The following EGFLAM variants were observed in gnomAD, a reference collection of about 807,000 sequenced individuals.
EGFLAM encodes the protein EGF like, fibronectin type III and laminin G domains.
A neutral mutation model predicts 113.1 loss-of-function variants in EGFLAM; 79 were observed. The ratio of observed to expected loss-of-function variants is 0.70; its 90% CI spans 0.58 to 0.84. The LOEUF (loss-of-function observed/expected upper bound fraction) is 0.84. Among genes scored for constraint, EGFLAM ranks in the 40% least tolerant of loss-of-function variants. The probability of loss-of-function intolerance (pLI) is 0.00; values close to 1 mark genes in which losing one functional copy is unlikely to be tolerated. For synonymous variants in EGFLAM, 504 were observed against 487.6 expected (o/e 1.03, Z -0.44); for missense variants, 1,265 against 1,291.6 (o/e 0.98, Z 0.32).
Position 38,348,442 on chromosome 5 carries a change from C to T in EGFLAM, c.292-2059C>T, listed in dbSNP as rs74877627. Among the ~76,000 whole-genome samples, 488 of 152,140 alleles carry T rather than the reference C, an allele frequency of 3.2e-3. 18 individuals are homozygous for T. The East Asian group carries it at 0.072, about 22-fold the overall frequency. ...GAGGAACACGAGAAGTAGAAGGTGA[C>T]CATGGAAGAGCAGAGTCATGATTTT... On this transcript the variant is annotated intron_variant, in intron 3 of 21. Transcript: ENST00000322350.
At chr5:38,275,160 G>A (rs1757857484) in intron 1 of EGFLAM, among the ~76,000 whole-genome samples, 1 of 152,034 alleles carries the variant, frequency 6.6e-6, no homozygotes, top group Non-Finnish European at 1.5e-5. Context: ...AAAGAAATAT[G>A]GTAAGAAAAG....
At chr5:38,414,731 G>A (rs1030512937) in intron 11 of EGFLAM, among the ~76,000 whole-genome samples, 5 of 152,214 alleles carry the variant, frequency 3.3e-5, no homozygotes, top group African/African-American at 1.2e-4. Flanking sequence ...TTAGTTTGGA[G>A]AAGAGAAGAT....
At chr5:38,349,771 A>ACGCG (rs767521286) in intron 3 of EGFLAM, among the ~76,000 whole-genome samples, 52 of 114,312 alleles carry the variant, frequency 4.5e-4, no homozygotes, top group Admixed American at 7.3e-4. Flanking sequence ...GGAAGTACAC[A>ACGCG]CGCACACACA....
intron 1 of EGFLAM, among the ~76,000 whole-genome samples, chr5:38,269,236 A>G (rs1757706549): frequency 6.6e-6 from 1 of 152,182 alleles, no homozygotes; most frequent in African/African-American, 2.4e-5. Flanking sequence ...AGTGGATTAA[A>G]TAGAGTGAGT....
chr5:38,263,281 G>A (rs1041784384), intron 1 of EGFLAM, among the ~76,000 whole-genome samples: 2 of 152,054 alleles, frequency 1.3e-5, no homozygotes, highest in African/African-American at 2.4e-5. Flanking sequence ...GGCCAACATG[G>A]CAAAACCCCA....
chr5:38,417,957 G>A, intron 11 of EGFLAM, 109 bp from the exon 12 acceptor site: 1 of 1,112,688 alleles, frequency 9.0e-7, no homozygotes, highest in Non-Finnish European at 1.3e-6. Flanking sequence ...GGAAGAAAAT[G>A]CTGGGGCTGT....
chr5:38,399,761 T>C (rs1741058223), intron 6 of EGFLAM: 1 of 152,178 alleles, frequency 6.6e-6, no homozygotes, highest in Admixed American at 6.5e-5. Flanking sequence ...TAAGTGTTCC[T>C]CCCTTGTTGT....
chr5:38,440,180 G>A (rs181825484), intron 17 of EGFLAM, among the ~76,000 whole-genome samples: 1 of 152,248 alleles, frequency 6.6e-6, no homozygotes, highest in African/African-American at 2.4e-5. Flanking sequence ...AGGACATTGG[G>A]GACTCTTTTC....
chr5:38,446,317 T>C (rs1218508298), intron 17 of EGFLAM, among the ~76,000 whole-genome samples: 1 of 152,108 alleles, frequency 6.6e-6, no homozygotes, highest in Non-Finnish European at 1.5e-5. Flanking sequence ...CGCCGCCTTC[T>C]TTCCTTTTCT....
intron 6 of EGFLAM, among the ~76,000 whole-genome samples, chr5:38,379,654 A>G (rs2366977): frequency 0.12 from 17,518 of 151,958 alleles, 1,298 homozygotes; most frequent in African/African-American, 0.22. Context: ...AATCAGCCAC[A>G]GCAAAGCGGC....
intron 16 of EGFLAM, among the ~76,000 whole-genome samples, chr5:38,435,804 CTCTTTTTTTTTTTT>C (rs1312206167): frequency 7.4e-6 from 1 of 135,322 alleles, no homozygotes; most frequent in African/African-American, 2.9e-5. Context: ...CCCCGGCTCT[CTCTTTTTTTTTTTT>C]TTTTTTTTTT....
Position 38,448,357 on chromosome 5 carries a change from G to A in EGFLAM, c.2521G>A (p.Asp841Asn), listed in dbSNP as rs1742793571. 6.2e-7 allele frequency: 1 copy of A among 1,614,040 alleles called. No homozygotes were observed. Among genetic ancestry groups the A allele is most frequent in the African/African-American group, 1.3e-5 (1 of 74,924 alleles). Residue 841 changes from aspartate (D) to asparagine (N), a missense_variant, in exon 18 of 22, where the codon GAC becomes AAC. Asp to Asn is a conservative substitution (Grantham distance 23). Coordinates refer to ENST00000322350, the MANE Select transcript of EGFLAM (RefSeq NM_152403.4). Reference protein sequence around the residue: ...QFIGRSYLTYDNPDILKRVSG... With the variant: ...QFIGRSYLTYNNPDILKRVSG... ...TATCGGCCGCAGTTACCTGACGTAT[G>A]ACAACCCAGATATCTTGAAGAGGTA...
chr5:38,415,420 C>A (rs147039456), intron 11 of EGFLAM, among the ~76,000 whole-genome samples: 3 of 152,008 alleles, frequency 2.0e-5, no homozygotes, highest in Non-Finnish European at 1.5e-5. Context: ...CAGTGGCTCA[C>A]GCCTATAATT....
At position 38,465,440 on chromosome 5, in the gene EGFLAM, C is replaced by T. The variant is rs1743436723; in HGVS notation, c.*1454C>T. ...TTTGTGCAAGGCACAGTTTTAAGCA[C>T]ATAATGTAATTCTAAAAGATGAATA... is the stretch of plus-strand genomic sequence containing the variant. On this transcript the variant is annotated 3_prime_UTR_variant, in exon 22 of 22. Coordinates refer to ENST00000322350, the MANE Select transcript of EGFLAM (RefSeq NM_152403.4). Among the ~76,000 whole-genome samples, 1 of 152,242 alleles carries T rather than the reference C, an allele frequency of 6.6e-6. No homozygotes were observed. The highest frequency in any genetic ancestry group is 2.4e-5 in the African/African-American group (1 of 41,468).
At chr5:38,307,040 T>A (rs551937876) in intron 1 of EGFLAM, among the ~76,000 whole-genome samples, 1 of 152,162 alleles carries the variant, frequency 6.6e-6, no homozygotes. Flanking sequence ...GGGTAAGTCA[T>A]CTTGGAAGTG....
intron 17 of EGFLAM, chr5:38,445,630 CTG>C (rs1742682540): frequency 6.3e-7 from 1 of 1,598,348 alleles, no homozygotes; most frequent in Admixed American, 1.7e-5. Context: ...TTGACAAGGA[CTG>C]TGAAAGGCTG....
At chr5:38,379,754 C>A (rs116302675) in intron 6 of EGFLAM, among the ~76,000 whole-genome samples, 1,565 of 150,922 alleles carry the variant, frequency 0.01, 36 homozygotes, top group African/African-American at 0.036. Flanking sequence ...ATTAAAACTG[C>A]AAGTCACAAG....
At chr5:38,429,103 T>A (rs965845059) in intron 14 of EGFLAM, among the ~76,000 whole-genome samples, 3 of 152,198 alleles carry the variant, frequency 2.0e-5, no homozygotes, top group African/African-American at 7.2e-5. Context: ...GGCCAGATCA[T>A]TTTAACTTTA....
At chr5:38,452,016 A>G (rs904817475) in intron 19 of EGFLAM, among the ~76,000 whole-genome samples, 1 of 147,238 alleles carries the variant, frequency 6.8e-6, no homozygotes, top group Non-Finnish European at 1.5e-5. Flanking sequence ...AAAAAAGAGT[A>G]CAGCAGTATT....
Sources: allele counts gnomAD v4.1 joint callset (sites outside exome capture counted in the v4.1 genomes callset), GRCh38; gene constraint gnomAD v4.1.1; transcripts MANE v1.5; gene names NCBI Gene and HGNC (gene_info 2026-07-23, HGNC 2026-07-21).